The following AIG1 variants were observed in gnomAD, a reference collection of about 807,000 sequenced individuals.
The protein encoded by AIG1 is androgen induced 1, also known as androgen-induced gene 1 protein.
In AIG1, 23 loss-of-function variants were observed where a neutral mutation model predicts 31.4. The observed-to-expected ratio is 0.73, with a 90% CI of 0.53 to 1.04. The LOEUF is 1.04. Ranked by LOEUF, AIG1 falls within the 50% of genes least tolerant of loss-of-function variation. The pLI, the probability that AIG1 is intolerant of heterozygous loss-of-function variation, is 0.00. For synonymous variants in AIG1, 100 were observed against 110.5 expected (o/e 0.90, Z 0.60); for missense variants, 274 against 295.0 (o/e 0.93, Z 0.52).
rs1176015105 is a variant in AIG1, at chr6:143,292,035, T to C, written c.515+7810T>C. 1.3e-5 allele frequency among the ~76,000 whole-genome samples: 2 copies of C among 152,138 alleles called. No individual in the cohort carries two copies. Among genetic ancestry groups the C allele is most frequent in the Admixed American group, 6.6e-5 (1 of 15,266 alleles). On this transcript the variant is annotated intron_variant, in intron 4 of 5. Coordinates refer to ENST00000357847, the MANE Select transcript of AIG1 (RefSeq NM_016108.4). This position sits in a 1 kb window ranked among gnomAD's most constrained non-coding sequence, Gnocchi z 4.9. ...AGAGATGAAGTGGCCTGGACCCTGG[T>C]GGTAGAAATGGCGTTAATAGGATTC...
At chr6:143,102,408 C>T (rs1007115172) in intron 1 of AIG1, among the ~76,000 whole-genome samples, 5 of 148,294 alleles carry the variant, frequency 3.4e-5, no homozygotes, top group East Asian at 1.9e-4. Flanking sequence ...GGACTTAAAA[C>T]GTTTCATGAG....
chr6:143,103,668 C>A (rs1308222751), intron 1 of AIG1, among the ~76,000 whole-genome samples: 1 of 151,400 alleles, frequency 6.6e-6, no homozygotes, highest in East Asian at 1.9e-4. Context: ...CCACTACGCC[C>A]GGCTAATTTT....
chr6:143,313,268 A>T (rs1015722146), intron 4 of AIG1, among the ~76,000 whole-genome samples: 3 of 152,298 alleles, frequency 2.0e-5, no homozygotes, highest in East Asian at 1.9e-4. Context: ...TTATTGCAAC[A>T]CTATTCACAA....
At chr6:143,303,442 A>G (rs1484535844) in intron 4 of AIG1, among the ~76,000 whole-genome samples, 6 of 151,850 alleles carry the variant, frequency 4.0e-5, no homozygotes, top group Non-Finnish European at 8.9e-5. Flanking sequence ...CTTTCTACAT[A>G]TGGCTAGCCA....
chr6:143,239,990 C>T (rs1794121566), intron 3 of AIG1, among the ~76,000 whole-genome samples: 2 of 152,164 alleles, frequency 1.3e-5, no homozygotes, highest in South Asian at 4.1e-4. Context: ...TTCACTATTA[C>T]CTAAAGCCCA....
At chr6:143,228,277 T>C (rs1051643301) in intron 3 of AIG1, among the ~76,000 whole-genome samples, 14 of 152,232 alleles carry the variant, frequency 9.2e-5, no homozygotes, top group Non-Finnish European at 1.9e-4. Flanking sequence ...CTGTATTTTG[T>C]TTTTTTCGCA....
Position 143,264,489 on chromosome 6 carries a change from T to G in AIG1, c.400-19621T>G, listed in dbSNP as rs374751095. 9.2e-5 allele frequency among the ~76,000 whole-genome samples: 14 copies of G among 152,316 alleles called. 1 individual carries two copies. The South Asian group carries it at 2.9e-3, about 32-fold the overall frequency. On this transcript the variant is annotated intron_variant, in intron 3 of 5. Transcript: ENST00000357847. ...GGGCAGGGCACGGGTGCCTGGCGCT[T>G]GCAGGAAGCCCCACAGGAGGTGCAC...
intron 3 of AIG1, among the ~76,000 whole-genome samples, chr6:143,260,822 C>A (rs1795720917): frequency 6.6e-6 from 1 of 152,210 alleles, no homozygotes; most frequent in Non-Finnish European, 1.5e-5. Context: ...ACTTCAGTAA[C>A]CACTGGGCTT....
chr6:143,323,042 C>G (rs1300322382), intron 4 of AIG1, among the ~76,000 whole-genome samples: 2 of 152,094 alleles, frequency 1.3e-5, no homozygotes, highest in Non-Finnish European at 2.9e-5. Context: ...GTTTATAGCA[C>G]TTTACCAAAA....
At chr6:143,216,648 A>G (rs1439100170) in intron 3 of AIG1, among the ~76,000 whole-genome samples, 5 of 152,230 alleles carry the variant, frequency 3.3e-5, no homozygotes, top group Non-Finnish European at 5.9e-5. Flanking sequence ...AGAACAACAT[A>G]GTACAGATCA....
At chr6:143,289,101 A>G (rs1797884155) in intron 4 of AIG1, among the ~76,000 whole-genome samples, 1 of 152,124 alleles carries the variant, frequency 6.6e-6, no homozygotes, top group Non-Finnish European at 1.5e-5. Context: ...CAGACCCTAA[A>G]TGGCATCAGG....
rs1173435325 is a variant in AIG1, at chr6:143,103,501, CT to C, written c.142-33310del. Among the ~76,000 whole-genome samples the C allele has an allele frequency of 6.0e-3, 508 of 84,234 alleles. 7 individuals are homozygous for C. The East Asian group carries it at 0.083, about 14-fold the overall frequency. The allele number at this position is 84,234 out of a possible 152,430, so 55.3% of individuals were successfully genotyped here. A position where few individuals can be genotyped will look rare whatever the true frequency, so the allele number is the denominator to read the frequency against. On this transcript the variant is annotated intron_variant, in intron 1 of 5. Transcript: ENST00000357847. ...TAGATGTGATAAATACAGAAGTTTT[CT>C]TTTTTTTTTTTTTTTTTTTTTTTGA...
intron 4 of AIG1, among the ~76,000 whole-genome samples, chr6:143,300,158 A>C (rs923112043): frequency 3.3e-5 from 5 of 152,204 alleles, no homozygotes; most frequent in African/African-American, 1.2e-4. Flanking sequence ...TGAGGGTTGA[A>C]GATGCTGAGA....
At chr6:143,112,498 C>T (rs574165716) in intron 1 of AIG1, among the ~76,000 whole-genome samples, 1 of 152,122 alleles carries the variant, frequency 6.6e-6, no homozygotes, top group Non-Finnish European at 1.5e-5. Flanking sequence ...ATGTTAGGCT[C>T]TAGAGATGCA....
chr6:143,339,640 T>C lies in AIG1; in HGVS notation c.681T>C (p.Ser227=). 6.2e-7 allele frequency: 1 copy of C among 1,613,100 alleles called. No homozygotes were observed. Among genetic ancestry groups the C allele is most frequent in the East Asian group, 2.2e-5 (1 of 44,766 alleles). ...LNNYIWDTQK[S]MEEEKEKPKL... Reference sequence around the variant, plus strand: ...AAAACACTTTGCCTGTATTTCTAGGTATGGAAGAAGAGAAAGAAAAGCCTA... The same window carrying C: ...AAAACACTTTGCCTGTATTTCTAGGCATGGAAGAAGAGAAAGAAAAGCCTA... Residue 227 remains serine, a splice_region_variant and synonymous_variant, in exon 6 of 6, where the codon AGT becomes AGC. Coordinates refer to ENST00000357847, the MANE Select transcript of AIG1 (RefSeq NM_016108.4).
At chr6:143,171,430 TAATATATATATAA>T (rs1562453891) in intron 3 of AIG1, among the ~76,000 whole-genome samples, 4 of 115,180 alleles carry the variant, frequency 3.5e-5, no homozygotes, top group African/African-American at 1.4e-4. Flanking sequence ...ATAATATATA[TAATATATATATAA>T]TATATATATT....
chr6:143,119,597 G>A (rs1198478593), intron 1 of AIG1, among the ~76,000 whole-genome samples: 2 of 152,186 alleles, frequency 1.3e-5, no homozygotes, highest in African/African-American at 2.4e-5. Flanking sequence ...TAACACTTTT[G>A]TGTTTGCAGT....
chr6:143,173,369 C>T (rs1193024833), intron 3 of AIG1, among the ~76,000 whole-genome samples: 1 of 152,094 alleles, frequency 6.6e-6, no homozygotes, highest in African/African-American at 2.4e-5. Context: ...AGACAGCCAC[C>T]ATGGCCTACC....
rs747073830 is a variant in AIG1 at position 143,299,772 on chromosome 6, A to G, written c.515+15547A>G. On this transcript the variant is annotated intron_variant, in intron 4 of 5. Transcript: ENST00000357847. This position sits in a 1 kb window ranked among gnomAD's most constrained non-coding sequence, Gnocchi z 4.1. ...TGCTAAACTGCTTGTAGTTCCACGA[A>G]CTCACCTCTGGGATTTGCAGTGTTC... is the stretch of plus-strand genomic sequence containing the variant. Among the ~76,000 whole-genome samples, 19 of 152,042 alleles carry G rather than the reference A, an allele frequency of 1.2e-4. No individual in the cohort carries two copies. Among genetic ancestry groups the G allele is most frequent in the Non-Finnish European group, 4.4e-5 (3 of 68,004 alleles).
Sources: allele counts gnomAD v4.1 joint callset (sites outside exome capture counted in the v4.1 genomes callset), GRCh38; gene constraint gnomAD v4.1.1; non-coding constraint Gnocchi (gnomAD v3.1); transcripts MANE v1.5; gene names NCBI Gene and HGNC (gene_info 2026-07-23, HGNC 2026-07-21).